The following CFAP61 variants were observed in gnomAD, a reference collection of about 807,000 sequenced individuals.
The protein encoded by CFAP61 is cilia and flagella associated protein 61.
Under a neutral mutation model 135.6 loss-of-function variants are expected in CFAP61, and 107 were observed. The observed-to-expected ratio is 0.79, with a 90% CI of 0.67 to 0.93. CFAP61 has a LOEUF of 0.93. Among genes scored for constraint, CFAP61 ranks in the 40% least tolerant of loss-of-function variants. CFAP61 has a pLI of 0.00. For missense variants in CFAP61, 1,507 were observed against 1,556.2 expected (o/e 0.97, Z 0.53); for synonymous variants, 575 against 578.5 (o/e 0.99, Z 0.09).
At chr20:20,150,722 A>G (rs2052338711) in intron 9 of CFAP61, among the ~76,000 whole-genome samples, 4 of 152,210 alleles carry the variant, frequency 2.6e-5, no homozygotes, top group Non-Finnish European at 5.9e-5. Context: ...GATAGATTGT[A>G]TCACAGGACT....
chr20:20,072,633 TG>T (rs1268485493), intron 3 of CFAP61, among the ~76,000 whole-genome samples: 1 of 152,206 alleles, frequency 6.6e-6, no homozygotes, highest in Non-Finnish European at 1.5e-5. Context: ...CATAAACACA[TG>T]CCCCTTTTGT....
chr20:20,288,475 C>T, intron 22 of CFAP61, 134 bp from the exon 23 acceptor site: 1 of 708,466 alleles, frequency 1.4e-6, no homozygotes. Context: ...CGCACACAAA[C>T]AACATGATAG....
In CFAP61 at chr20:20,350,099, C is replaced by G. The variant is rs138404788; in HGVS notation, c.3513+8178C>G. Among the ~76,000 whole-genome samples the G allele has an allele frequency of 7.8e-3, 1,187 of 152,254 alleles. 17 individuals are homozygous for G. Among genetic ancestry groups the G allele is most frequent in the African/African-American group, 0.027 (1,131 of 41,542 alleles). ...GTTTACATGAAAATATGTTCAGCAT[C>G]ATCAATTATTAGGGAAATGCAAATC... On this transcript the variant is annotated intron_variant, in intron 26 of 26. Transcript: ENST00000245957.
At position 20,251,769 on chromosome 20, in the gene CFAP61, G is replaced by A; in HGVS notation, c.2328+6G>A. 1 of 1,612,698 alleles carries A rather than the reference G, an allele frequency of 6.2e-7. No homozygotes were observed. ...GCACCGGGCAGCAGTACCAGGTAAG[G>A]CCGGGCACAGGGGGCGCAAGCCACG... On this transcript the variant is annotated splice_donor_region_variant and intron_variant, in intron 20 of 26. Transcript: ENST00000245957.
chr20:20,132,126 T>C (rs1199400427), intron 8 of CFAP61, among the ~76,000 whole-genome samples: 1 of 152,122 alleles, frequency 6.6e-6, no homozygotes, highest in Non-Finnish European at 1.5e-5. Flanking sequence ...ACTCTCTGCT[T>C]CTATTAATTT....
intron 1 of CFAP61, among the ~76,000 whole-genome samples, chr20:20,054,774 AG>A (rs1424390768): frequency 6.6e-6 from 1 of 152,222 alleles, no homozygotes; most frequent in Non-Finnish European, 1.5e-5. Flanking sequence ...TTTTATAGAC[AG>A]TCTGTCTTTT....
intron 6 of CFAP61, among the ~76,000 whole-genome samples, chr20:20,087,727 A>G (rs952557000): frequency 2.0e-5 from 3 of 152,070 alleles, no homozygotes; most frequent in Non-Finnish European, 4.4e-5. Flanking sequence ...ACCCTTTTTT[A>G]ACGTTTGCTA....
chr20:20,301,570 G>T (rs895413230), intron 25 of CFAP61, among the ~76,000 whole-genome samples: 2 of 152,202 alleles, frequency 1.3e-5, no homozygotes, highest in African/African-American at 4.8e-5. Flanking sequence ...GGCCAGTCTA[G>T]TGGCATACAA....
chr20:20,076,174 C>T (rs781691987), intron 6 of CFAP61, among the ~76,000 whole-genome samples: 4 of 152,166 alleles, frequency 2.6e-5, no homozygotes, highest in Admixed American at 6.5e-5. Flanking sequence ...TTGGGCGCTC[C>T]GTCCTCTCTT....
intron 17 of CFAP61, among the ~76,000 whole-genome samples, chr20:20,216,952 G>T (rs1322236477): frequency 1.3e-5 from 2 of 152,220 alleles, no homozygotes; most frequent in South Asian, 2.1e-4. Flanking sequence ...TTCAGCAGTG[G>T]CCACTCCCAT....
intron 21 of CFAP61, among the ~76,000 whole-genome samples, chr20:20,276,493 A>T (rs1357915635): frequency 6.6e-6 from 1 of 152,230 alleles, no homozygotes; most frequent in Non-Finnish European, 1.5e-5. Context: ...AGAAATGTAA[A>T]TAGTATAGAC....
Position 20,070,840 on chromosome 20 carries a change from A to T in CFAP61, c.144-14A>T. The T allele has an allele frequency of 6.2e-7, 1 of 1,606,456 alleles. No individual in the cohort carries two copies. On this transcript the variant is annotated splice_polypyrimidine_tract_variant and intron_variant, in intron 2 of 26. Transcript: ENST00000245957. The stretch of plus-strand genomic sequence containing the variant: ...TAATCTTATTCATGTTTGCAATTGT[A>T]ATCATTTCTGCAGAGAAAAGGCCAA...
chr20:20,132,162 T>C (rs2050583681), intron 8 of CFAP61, among the ~76,000 whole-genome samples: 1 of 152,118 alleles, frequency 6.6e-6, no homozygotes, highest in African/African-American at 2.4e-5. Context: ...CTTATAAAAG[T>C]GGAATTGTGT....
chr20:20,326,755 A>G (rs544250176), intron 25 of CFAP61, among the ~76,000 whole-genome samples: 1 of 152,198 alleles, frequency 6.6e-6, no homozygotes, highest in South Asian at 2.1e-4. Context: ...TGATTGAGAC[A>G]TTATAAGTTG....
chr20:20,185,652 ACTTTAG>A (rs1329335720), intron 13 of CFAP61, among the ~76,000 whole-genome samples: 1 of 152,172 alleles, frequency 6.6e-6, no homozygotes, highest in East Asian at 1.9e-4. Context: ...GATGTAGTGT[ACTTTAG>A]CTTAAGTTTA....
At chr20:20,056,429 C>T (rs1371884578) in intron 1 of CFAP61, among the ~76,000 whole-genome samples, 189 bp from the exon 2 acceptor site, 1 of 152,200 alleles carries the variant, frequency 6.6e-6, no homozygotes, top group African/African-American at 2.4e-5. Flanking sequence ...GGCCAGTTCT[C>T]AGAAACTTCA....
chr20:20,230,334 CATT>C (rs1421586927), intron 18 of CFAP61, among the ~76,000 whole-genome samples: 11 of 152,308 alleles, frequency 7.2e-5, no homozygotes, highest in African/African-American at 2.6e-4. Context: ...ATAGTTTTCT[CATT>C]ATTTTCTCTA....
intron 8 of CFAP61, among the ~76,000 whole-genome samples, chr20:20,102,171 G>A (rs750936140): frequency 6.6e-6 from 1 of 152,186 alleles, no homozygotes; most frequent in Non-Finnish European, 1.5e-5. Flanking sequence ...GTTTCCCTAT[G>A]TCACATCCCA....
chr20:20,193,594 C>G (rs746099388), intron 15 of CFAP61, among the ~76,000 whole-genome samples: 1 of 151,796 alleles, frequency 6.6e-6, no homozygotes, highest in Non-Finnish European at 1.5e-5. Context: ...GTGTAGAATT[C>G]TATTCAAATT....
Sources: allele counts gnomAD v4.1 joint callset (sites outside exome capture counted in the v4.1 genomes callset), GRCh38; gene constraint gnomAD v4.1.1; transcripts MANE v1.5; gene names NCBI Gene and HGNC (gene_info 2026-07-23, HGNC 2026-07-21).